Variants in BBS9 observed in about 807,000 individuals in gnomAD.
BBS9 encodes the protein protein PTHB1.
A neutral mutation model predicts 117.7 loss-of-function variants in BBS9; 89 were observed. The observed-to-expected ratio is 0.76, with a 90% CI of 0.64 to 0.90. The LOEUF is 0.90. BBS9 is among the 40% of genes least tolerant of loss of function. The pLI is 0.00. For synonymous variants in BBS9, 379 were observed against 370.9 expected (o/e 1.02, Z -0.25); for missense variants, 982 against 1,042.2 (o/e 0.94, Z 0.80).
At chr7:33,502,486 G>A (rs1335084179) in intron 19 of BBS9, among the ~76,000 whole-genome samples, 1 of 152,150 alleles carries the variant, frequency 6.6e-6, no homozygotes. Flanking sequence ...GATAATAGTA[G>A]GAAGTAATGA....
intron 21 of BBS9, among the ~76,000 whole-genome samples, chr7:33,586,543 G>A (rs1160866356): frequency 6.6e-6 from 1 of 152,062 alleles, no homozygotes; most frequent in Non-Finnish European, 1.5e-5. Context: ...TTCCATTACT[G>A]GGTATATATC....
chr7:33,244,948 G>A (rs1795102766), intron 5 of BBS9, among the ~76,000 whole-genome samples: 1 of 152,136 alleles, frequency 6.6e-6, no homozygotes, highest in Admixed American at 6.5e-5. Flanking sequence ...CAGTCAGGGA[G>A]TATCCTAATT....
intron 21 of BBS9, among the ~76,000 whole-genome samples, chr7:33,603,349 C>T (rs879576725): frequency 3.9e-5 from 6 of 152,040 alleles, no homozygotes; most frequent in African/African-American, 9.7e-5. Flanking sequence ...CTGCCACCAC[C>T]GCATATACCC....
chr7:33,533,701 G>A (rs922651551), intron 20 of BBS9: 14 of 528,796 alleles, frequency 2.6e-5, no homozygotes, highest in African/African-American at 2.5e-4. Flanking sequence ...TCCAACCCTT[G>A]GAGGGACAGA....
At chr7:33,376,235 C>T (rs1823866582) in intron 17 of BBS9, among the ~76,000 whole-genome samples, 1 of 152,040 alleles carries the variant, frequency 6.6e-6, no homozygotes, top group Non-Finnish European at 1.5e-5. Context: ...TGCTTGTATC[C>T]ATGTGTTCTC....
intron 19 of BBS9, chr7:33,390,412 G>C: frequency 1.0e-6 from 1 of 985,228 alleles, no homozygotes. Context: ...TTACAGACAA[G>C]ACGATCAAAA....
At chr7:33,633,509 T>TC (rs1865991921) in intron 21 of BBS9, among the ~76,000 whole-genome samples, 1 of 123,260 alleles carries the variant, frequency 8.1e-6, no homozygotes, top group African/African-American at 3.4e-5. Context: ...TTAACTTTTT[T>TC]CTTTTTTTTT....
chr7:33,358,544 C>T (rs1820056264), intron 16 of BBS9, among the ~76,000 whole-genome samples: 1 of 151,854 alleles, frequency 6.6e-6, no homozygotes, highest in South Asian at 2.1e-4. Flanking sequence ...TTCAATATCA[C>T]AGTGAACATT....
chr7:33,319,645 T>C (rs1811269289), intron 9 of BBS9, among the ~76,000 whole-genome samples: 1 of 152,156 alleles, frequency 6.6e-6, no homozygotes. Context: ...ATTAGTGATG[T>C]TGAATATTTT....
intron 19 of BBS9, among the ~76,000 whole-genome samples, chr7:33,432,361 G>A (rs977375955): frequency 2.0e-5 from 3 of 151,180 alleles, no homozygotes; most frequent in African/African-American, 4.9e-5. Context: ...CGCCCACCTC[G>A]GCCTCCCAAA....
chr7:33,223,757 T>G (rs927717307), intron 5 of BBS9, among the ~76,000 whole-genome samples: 3 of 152,244 alleles, frequency 2.0e-5, no homozygotes, highest in African/African-American at 7.2e-5. Flanking sequence ...CTGTGCCTGA[T>G]AGAACTTGTG....
At chr7:33,296,927 A>G (rs1271191298) in intron 9 of BBS9, among the ~76,000 whole-genome samples, 1 of 152,168 alleles carries the variant, frequency 6.6e-6, no homozygotes, top group Non-Finnish European at 1.5e-5. Context: ...TGCCAGTAAC[A>G]TTTACTCTTC....
At chr7:33,591,322 A>G (rs1861882027) in intron 21 of BBS9, among the ~76,000 whole-genome samples, 1 of 152,076 alleles carries the variant, frequency 6.6e-6, no homozygotes, top group Non-Finnish European at 1.5e-5. Flanking sequence ...CTATAGAATC[A>G]TTTGGAAACT....
At chr7:33,438,482 G>A (rs1170730727) in intron 19 of BBS9, among the ~76,000 whole-genome samples, 2 of 152,170 alleles carry the variant, frequency 1.3e-5, no homozygotes, top group Non-Finnish European at 2.9e-5. Flanking sequence ...GAAAAATTAG[G>A]CAATGGATAT....
At chr7:33,340,656 C>G (rs1279479141) in intron 10 of BBS9, among the ~76,000 whole-genome samples, 1 of 152,114 alleles carries the variant, frequency 6.6e-6, no homozygotes, top group Non-Finnish European at 1.5e-5. Flanking sequence ...ATTCCTAATG[C>G]TGGTCAGTCA....
chr7:33,594,857 T>C (rs1862475519), intron 21 of BBS9, among the ~76,000 whole-genome samples: 1 of 152,094 alleles, frequency 6.6e-6, no homozygotes, highest in Admixed American at 6.6e-5. Flanking sequence ...CTGGAAAATG[T>C]CTGCTCAGTG....
intron 9 of BBS9, among the ~76,000 whole-genome samples, chr7:33,287,640 A>T (rs1012455927): frequency 6.6e-6 from 1 of 152,166 alleles, no homozygotes; most frequent in Non-Finnish European, 1.5e-5. Context: ...CCTGCCTTTA[A>T]ATAGAGAAAA....
intron 6 of BBS9, among the ~76,000 whole-genome samples, chr7:33,260,004 C>CTTTT (rs3083600): frequency 3.6e-5 from 5 of 139,506 alleles, no homozygotes; most frequent in South Asian, 2.3e-4. Flanking sequence ...AGACTTTTTT[C>CTTTT]TTTTTTTTTT....
intron 5 of BBS9, among the ~76,000 whole-genome samples, chr7:33,251,085 A>T (rs1486454836): frequency 1.3e-5 from 2 of 152,196 alleles, no homozygotes; most frequent in Non-Finnish European, 2.9e-5. Context: ...ATTCAGGGAC[A>T]GAGACCTGAC....
Sources: gnomAD v4.1 joint callset for allele counts (sites outside exome capture counted in the v4.1 genomes callset) on GRCh38, gnomAD v4.1.1 for gene constraint, MANE v1.5 for transcripts, NCBI Gene and HGNC (gene_info 2026-07-23, HGNC 2026-07-21) for gene names.